The following PITPNC1 variants were observed in gnomAD, a reference collection of about 807,000 sequenced individuals.
PITPNC1 encodes the protein phosphatidylinositol transfer protein cytoplasmic 1.
Under a neutral mutation model 44.7 loss-of-function variants are expected in PITPNC1, and 18 were observed. The observed-to-expected ratio is 0.40, with a 90% CI of 0.28 to 0.60. PITPNC1 has a LOEUF of 0.60. PITPNC1 is among the 20% of genes least tolerant of loss of function. PITPNC1 has a pLI of 0.39. For synonymous variants in PITPNC1, 141 were observed against 149.6 expected (o/e 0.94, Z 0.42); for missense variants, 290 against 418.4 (o/e 0.69, Z 2.68).
chr17:67,620,503 C>A (rs987998242), intron 5 of PITPNC1, among the ~76,000 whole-genome samples: 43 of 152,184 alleles, frequency 2.8e-4, no homozygotes, highest in Non-Finnish European at 4.7e-4. Context: ...CCCCTTCCAA[C>A]CCCTCACCCT....
intron 1 of PITPNC1, among the ~76,000 whole-genome samples, chr17:67,477,783 A>G (rs1429549004): frequency 2.6e-5 from 4 of 151,896 alleles, no homozygotes; most frequent in African/African-American, 4.8e-5. Flanking sequence ...GCTTCCCTCT[A>G]CCCTGAGGGT....
intron 1 of PITPNC1, among the ~76,000 whole-genome samples, chr17:67,514,194 T>C (rs1489402335): frequency 4.0e-5 from 6 of 151,834 alleles, no homozygotes; most frequent in African/African-American, 1.5e-4. Context: ...ACGGGTTTTT[T>C]GTTTTTGTTT....
intron 4 of PITPNC1, among the ~76,000 whole-genome samples, chr17:67,556,767 G>C (rs1053719173): frequency 2.0e-5 from 3 of 152,228 alleles, no homozygotes; most frequent in Non-Finnish European, 4.4e-5. Context: ...GAGCCTTCCT[G>C]CCTCAGTTAG....
intron 5 of PITPNC1, among the ~76,000 whole-genome samples, chr17:67,622,030 G>A (rs2144314235): frequency 6.6e-6 from 1 of 152,120 alleles, no homozygotes; most frequent in East Asian, 1.9e-4. Flanking sequence ...AGCACTTTGG[G>A]AGGCCAAGGC....
At chr17:67,535,566 A>G (rs1236330934) in intron 2 of PITPNC1, among the ~76,000 whole-genome samples, 1 of 152,216 alleles carries the variant, frequency 6.6e-6, no homozygotes, top group Non-Finnish European at 1.5e-5. Flanking sequence ...TCATATTTAT[A>G]TCATATTTAT....
At chr17:67,545,749 A>T (rs1445540079) in intron 2 of PITPNC1, among the ~76,000 whole-genome samples, 1 of 152,146 alleles carries the variant, frequency 6.6e-6, no homozygotes, top group Non-Finnish European at 1.5e-5. Context: ...CATAGTCTAT[A>T]CATATATATA....
At chr17:67,636,575 G>A (rs143007581) in intron 6 of PITPNC1, among the ~76,000 whole-genome samples, 351 of 152,286 alleles carry the variant, frequency 2.3e-3, no homozygotes, top group African/African-American at 4.4e-3. Context: ...CCTGGCAGCC[G>A]GACCACAAAG....
At chr17:67,395,792 GC>G (rs898501960) in intron 1 of PITPNC1, among the ~76,000 whole-genome samples, 5 of 151,948 alleles carry the variant, frequency 3.3e-5, no homozygotes, top group African/African-American at 9.7e-5. Context: ...TTTAAATCCT[GC>G]CCCCCCACCC....
At position 67,692,556 on chromosome 17, in the gene PITPNC1, G is replaced by A; in HGVS notation, c.683-16G>A. 1.9e-6 allele frequency: 3 copies of A among 1,588,178 alleles called. No homozygotes were observed. In the South Asian group the frequency reaches 3.3e-5, roughly 18 times the overall value. The stretch of plus-strand genomic sequence containing the variant: ...TAAATAACTGCTCGTTTTTCTTTCT[G>A]TTTTTCTCCTTGAAGACATGACAAT... On this transcript the variant is annotated splice_polypyrimidine_tract_variant and intron_variant, in intron 8 of 8. Transcript: ENST00000581322.
At chr17:67,435,947 T>G (rs2038931992) in intron 1 of PITPNC1, among the ~76,000 whole-genome samples, 1 of 152,154 alleles carries the variant, frequency 6.6e-6, no homozygotes, top group African/African-American at 2.4e-5. Flanking sequence ...ACCTAAGATG[T>G]GTGAGATACA....
rs139463578 is a variant in PITPNC1, at chr17:67,595,948, T to C, written c.366+17691T>C. Among the ~76,000 whole-genome samples the C allele has an allele frequency of 2.0e-3, 298 of 152,314 alleles. 2 individuals are homozygous for C. Among genetic ancestry groups the C allele is most frequent in the African/African-American group, 6.8e-3 (281 of 41,566 alleles). ...ATCTTTAGCTATGCCGATCAGATGA[T>C]AATAAATAGATGTTGAAAAGCATCA... On this transcript the variant is annotated intron_variant, in intron 5 of 8. Transcript: ENST00000581322.
At chr17:67,683,732 C>G (rs2042756123) in intron 8 of PITPNC1, among the ~76,000 whole-genome samples, 1 of 151,600 alleles carries the variant, frequency 6.6e-6, no homozygotes, top group African/African-American at 2.4e-5. Context: ...AATCCCAGCA[C>G]TTTGGGAGGG....
At chr17:67,429,532 C>A (rs995353354) in intron 1 of PITPNC1, among the ~76,000 whole-genome samples, 1 of 151,944 alleles carries the variant, frequency 6.6e-6, no homozygotes, top group Non-Finnish European at 1.5e-5. Context: ...AACCCCATCT[C>A]TACTAAAATT....
At chr17:67,386,982 A>C (rs753802360) in intron 1 of PITPNC1, among the ~76,000 whole-genome samples, 1 of 152,238 alleles carries the variant, frequency 6.6e-6, no homozygotes, top group Non-Finnish European at 1.5e-5. Context: ...AAGGAGGATG[A>C]GGCGCAAATA....
intron 5 of PITPNC1, among the ~76,000 whole-genome samples, chr17:67,629,442 C>T (rs1328686136): frequency 7.2e-5 from 11 of 152,072 alleles, no homozygotes; most frequent in East Asian, 1.9e-4. Flanking sequence ...CCAGTAGGGA[C>T]GGGGTTTCTC....
chr17:67,668,875 A>G (rs2042466412), intron 6 of PITPNC1, among the ~76,000 whole-genome samples: 1 of 151,990 alleles, frequency 6.6e-6, no homozygotes, highest in Admixed American at 6.6e-5. Flanking sequence ...AAAAAGAAAG[A>G]AAGAAAAAAA....
rs10633927 is a variant in PITPNC1, at chr17:67,476,188, C to CTTTT, written c.49-56602_49-56599dup. 7.0e-3 allele frequency among the ~76,000 whole-genome samples: 964 copies of CTTTT among 137,676 alleles called. 13 individuals are homozygous for CTTTT. Among genetic ancestry groups the CTTTT allele is most frequent in the African/African-American group, 7.5e-3 (278 of 36,900 alleles). 90.3% of individuals were successfully genotyped at this position (137,676 alleles called of 152,430 possible). On this transcript the variant is annotated intron_variant, in intron 1 of 8. Coordinates refer to ENST00000581322, the MANE Select transcript of PITPNC1 (RefSeq NM_012417.4). The stretch of plus-strand genomic sequence containing the variant: ...CCTAGAGACTAAATTTCTTTCTTTT[C>CTTTT]TTTTTTTTTTTTTTTGAGATGGAGT...
At chr17:67,634,648 C>A (rs2042011781) in intron 6 of PITPNC1, among the ~76,000 whole-genome samples, 1 of 152,128 alleles carries the variant, frequency 6.6e-6, no homozygotes, top group Admixed American at 6.5e-5. Context: ...AATAGTCACA[C>A]AGATACATAT....
At chr17:67,557,947 C>T (rs1317164184) in intron 4 of PITPNC1, among the ~76,000 whole-genome samples, 1 of 152,212 alleles carries the variant, frequency 6.6e-6, no homozygotes, top group South Asian at 2.1e-4. Flanking sequence ...GATCACGGTG[C>T]CCTTCCTTTC....
Sources: gnomAD v4.1 joint callset for allele counts (sites outside exome capture counted in the v4.1 genomes callset) on GRCh38, gnomAD v4.1.1 for gene constraint, MANE v1.5 for transcripts, NCBI Gene and HGNC (gene_info 2026-07-23, HGNC 2026-07-21) for gene names.